The following RAB3GAP2 variants were observed in gnomAD, a reference collection of about 807,000 sequenced individuals.
RAB3GAP2 encodes RAB3 GTPase activating non-catalytic protein subunit 2.
A neutral mutation model predicts 185.3 loss-of-function variants in RAB3GAP2; 87 were observed. That is an observed-to-expected ratio of 0.47 (90% CI 0.39 to 0.56). RAB3GAP2 has a LOEUF of 0.56. RAB3GAP2 is among the 20% of genes least tolerant of loss of function. The pLI is 0.00. For missense variants in RAB3GAP2, 1,492 were observed against 1,638.2 expected, an observed-to-expected ratio of 0.91 and a Z score of 1.54; for synonymous variants, 554 against 576.1, an observed-to-expected ratio of 0.96 and a Z score of 0.55.
intron 2 of RAB3GAP2, among the ~76,000 whole-genome samples, chr1:220,226,390 CA>C (rs577955417): frequency 1.3e-5 from 2 of 150,140 alleles, no homozygotes; most frequent in African/African-American, 4.9e-5. Context: ...TTTCTCATAG[CA>C]AAAAAATTGT....
chr1:220,236,155 C>A (rs1659586850), intron 1 of RAB3GAP2, among the ~76,000 whole-genome samples: 1 of 151,784 alleles, frequency 6.6e-6, no homozygotes, highest in African/African-American at 2.4e-5. Context: ...TGGGGCAATA[C>A]CCTTGTGGCT....
chr1:220,154,721 C>CTTT (rs368964533), intron 31 of RAB3GAP2, among the ~76,000 whole-genome samples: 59 of 133,324 alleles, frequency 4.4e-4, no homozygotes, highest in East Asian at 3.3e-3. Context: ...ACCCTGAATC[C>CTTT]TTTTTTTTTT....
chr1:220,235,826 C>T (rs529341079), intron 1 of RAB3GAP2, among the ~76,000 whole-genome samples: 2 of 152,244 alleles, frequency 1.3e-5, no homozygotes, highest in South Asian at 2.1e-4. Context: ...CAATTCAGAA[C>T]CTCCAAGAAA....
At chr1:220,168,173 A>C (rs765438781) in intron 24 of RAB3GAP2, among the ~76,000 whole-genome samples, 47 of 151,922 alleles carry the variant, frequency 3.1e-4, no homozygotes, top group Non-Finnish European at 5.6e-4. Context: ...GCTCACTGCA[A>C]CCTCCGCCTC....
At chr1:220,197,461 T>C (rs1435343886) in intron 9 of RAB3GAP2, among the ~76,000 whole-genome samples, 1 of 152,156 alleles carries the variant, frequency 6.6e-6, no homozygotes, top group African/African-American at 2.4e-5. Context: ...TTATAGGAAT[T>C]AAAGTGATCA....
At chr1:220,168,428 G>A (rs964223645) in intron 24 of RAB3GAP2, among the ~76,000 whole-genome samples, 6 of 146,872 alleles carry the variant, frequency 4.1e-5, no homozygotes, top group South Asian at 2.1e-4. Context: ...ACAGAGTTTC[G>A]CTCTTGTTGT....
chr1:220,262,938 A>G (rs1427203432), intron 1 of RAB3GAP2, among the ~76,000 whole-genome samples: 1 of 151,620 alleles, frequency 6.6e-6, no homozygotes, highest in Non-Finnish European at 1.5e-5. Context: ...ACAAAAGTTT[A>G]TAATTCTCCA....
intron 8 of RAB3GAP2, among the ~76,000 whole-genome samples, chr1:220,205,447 A>C (rs1014303987): frequency 6.6e-6 from 1 of 152,136 alleles, no homozygotes; most frequent in Non-Finnish European, 1.5e-5. Context: ...ACACAGTCAT[A>C]GCTTTATTCT....
intron 27 of RAB3GAP2, among the ~76,000 whole-genome samples, chr1:220,163,744 C>CATACAT (rs775527991): frequency 0.028 from 3,471 of 122,874 alleles, 52 homozygotes; most frequent in East Asian, 0.053. Context: ...TAAATACATA[C>CATACAT]ATATATATAT....
chr1:220,229,618 C>T (rs1381678728), intron 2 of RAB3GAP2, among the ~76,000 whole-genome samples: 1 of 152,196 alleles, frequency 6.6e-6, no homozygotes, highest in Non-Finnish European at 1.5e-5. Flanking sequence ...TTGCCTCACA[C>T]ACAAATGCCT....
chr1:220,270,211 T>C (rs553832922), intron 1 of RAB3GAP2, among the ~76,000 whole-genome samples: 39 of 152,326 alleles, frequency 2.6e-4, no homozygotes, highest in Admixed American at 1.7e-3. Flanking sequence ...CTCACATGAT[T>C]TTCCTCTTTC....
At chr1:220,199,739 G>A (rs143520757) in intron 9 of RAB3GAP2, among the ~76,000 whole-genome samples, 50 of 152,148 alleles carry the variant, frequency 3.3e-4, no homozygotes, top group South Asian at 8.3e-4. Flanking sequence ...CATCCAGCCC[G>A]TTGCTCAAAC....
intron 2 of RAB3GAP2, chr1:220,219,310 G>A (rs895085821): frequency 2.0e-5 from 3 of 152,136 alleles, no homozygotes; most frequent in Non-Finnish European, 4.4e-5. Flanking sequence ...AGAAACAGAA[G>A]GAACTACAGG....
At chr1:220,187,737 T>C (rs1187676334) in intron 17 of RAB3GAP2, among the ~76,000 whole-genome samples, 2 of 152,008 alleles carry the variant, frequency 1.3e-5, no homozygotes, top group African/African-American at 4.8e-5. Context: ...CCCATATGAT[T>C]TACTCTATGC....
At chr1:220,192,788 C>G (rs1295644695) in intron 13 of RAB3GAP2, among the ~76,000 whole-genome samples, 1 of 152,130 alleles carries the variant, frequency 6.6e-6, no homozygotes, top group Admixed American at 6.6e-5. Context: ...AAGGAAACTC[C>G]TAAGTGACAT....
In RAB3GAP2 at chr1:220,153,591, T is replaced by A. The variant is rs186369879; in HGVS notation, c.3646-185A>T. On this transcript the variant is annotated intron_variant, in intron 32 of 34. Coordinates refer to ENST00000358951, the MANE Select transcript of RAB3GAP2 (RefSeq NM_012414.4). Reference sequence around the variant, plus strand: ...AGAATACTTTGAAATTGGTCTTTTTTAAATATTATTATTATTTTTTATTAT... The same window carrying A: ...AGAATACTTTGAAATTGGTCTTTTTAAAATATTATTATTATTTTTTATTAT... 4.6e-3 allele frequency: 1,913 copies of A among 416,584 alleles called. 36 individuals carry two copies. The East Asian group carries it at 0.046, about 10-fold the overall frequency. The allele number at this position is 416,584 out of a possible 1,614,324, so 25.8% of individuals were successfully genotyped here.
Position 220,272,330 on chromosome 1 carries a change from C to T in RAB3GAP2, c.8G>A (p.Cys3Tyr), listed in dbSNP as rs747553998. 2.2e-5 allele frequency: 36 copies of T among 1,609,740 alleles called. No homozygotes were observed. The South Asian group carries it at 3.9e-4, about 17-fold the overall frequency. Reference sequence around the variant, plus strand: ...GAAGTAGCAGAACTGGACAATGGAGCAGGCCATGGCTCCAGGGAACCCCAC... The same window carrying T: ...GAAGTAGCAGAACTGGACAATGGAGTAGGCCATGGCTCCAGGGAACCCCAC... MA[C>Y]SIVQFCYFQD... The change falls in exon 1 of 35, where the codon TGC (cysteine) becomes TAC (tyrosine). Residue 3 changes from cysteine (C) to tyrosine (Y), a missense_variant. By Grantham distance (194) the Cys-to-Tyr change is radical (BLOSUM62 -2). Transcript: ENST00000358951.
chr1:220,204,385 C>T (rs961921487), intron 8 of RAB3GAP2, among the ~76,000 whole-genome samples: 4 of 152,082 alleles, frequency 2.6e-5, no homozygotes, highest in Non-Finnish European at 5.9e-5. Flanking sequence ...AAATACTCAT[C>T]ATTAATCTAT....
At chr1:220,179,652 T>C (rs1658363379) in intron 21 of RAB3GAP2, among the ~76,000 whole-genome samples, 1 of 152,110 alleles carries the variant, frequency 6.6e-6, no homozygotes, top group Non-Finnish European at 1.5e-5. Flanking sequence ...TTTTAAAAAG[T>C]CAAAATCATG....
Sources: gnomAD v4.1 joint callset for allele counts (sites outside exome capture counted in the v4.1 genomes callset) on GRCh38, gnomAD v4.1.1 for gene constraint, MANE v1.5 for transcripts, NCBI Gene and HGNC (gene_info 2026-07-23, HGNC 2026-07-21) for gene names.